Variants in FOXP1 observed in about 807,000 individuals in gnomAD.
FOXP1 encodes the protein forkhead box protein P1.
Under a neutral mutation model 98.2 loss-of-function variants are expected in FOXP1, and 15 were observed. The ratio of observed to expected loss-of-function variants is 0.15; its 90% CI spans 0.10 to 0.24. The LOEUF is 0.24. Among genes scored for constraint, FOXP1 ranks in the 10% least tolerant of loss-of-function variants. FOXP1 has a pLI of 1.00. For missense variants in FOXP1, 633 were observed against 848.5 expected (o/e 0.75, Z 3.15); for synonymous variants, 371 against 314.5 (o/e 1.18, Z -1.90).
chr3:71,392,338 A>G (rs949879467), intron 3 of FOXP1, among the ~76,000 whole-genome samples: 3 of 152,262 alleles, frequency 2.0e-5, no homozygotes, highest in Non-Finnish European at 2.9e-5. Context: ...TCACAGTGAC[A>G]GAGGTGTCTG....
Position 71,315,920 on chromosome 3 carries a change from A to T in FOXP1, c.-72-16040T>A, listed in dbSNP as rs553135285. 3.9e-4 allele frequency among the ~76,000 whole-genome samples: 60 copies of T among 152,260 alleles called. No individual in the cohort carries two copies. The South Asian group carries it at 0.012, about 31-fold the overall frequency. On this transcript the variant is annotated intron_variant, in intron 4 of 20. Coordinates refer to ENST00000649528, the MANE Select transcript of FOXP1 (RefSeq NM_001349338.3). ...CACTTCCAGGCCCCAGGTATCTTCT[A>T]TTTGCCTCTTAGTTTTGTTCATAGG...
At chr3:71,131,881 G>C (rs1416011735) in intron 6 of FOXP1, among the ~76,000 whole-genome samples, 1 of 152,168 alleles carries the variant, frequency 6.6e-6, no homozygotes, top group Admixed American at 6.5e-5. Context: ...AGAAGACTAG[G>C]CTGGGGGAAA....
chr3:71,061,779 A>T (rs988235083), intron 7 of FOXP1, among the ~76,000 whole-genome samples: 1 of 152,172 alleles, frequency 6.6e-6, no homozygotes, highest in African/African-American at 2.4e-5. Flanking sequence ...AGTGATGTTC[A>T]TCTACAACTA....
chr3:71,051,722 G>A (rs2049920282), intron 9 of FOXP1, among the ~76,000 whole-genome samples: 1 of 151,772 alleles, frequency 6.6e-6, no homozygotes, highest in African/African-American at 2.4e-5. Flanking sequence ...TGGGTAGAAA[G>A]ATGTCATAAT....
intron 2 of FOXP1, among the ~76,000 whole-genome samples, chr3:71,519,017 G>A (rs924108652): frequency 6.6e-6 from 1 of 152,218 alleles, no homozygotes; most frequent in Non-Finnish European, 1.5e-5. Context: ...AGGCCGAGAC[G>A]GGCGGATCGC....
chr3:71,363,635 G>GA (rs2078724718), intron 3 of FOXP1, among the ~76,000 whole-genome samples: 1 of 152,148 alleles, frequency 6.6e-6, no homozygotes, highest in Non-Finnish European at 1.5e-5. Context: ...CAGCACCTCT[G>GA]GGCAGTTTAT....
chr3:71,385,465 G>C (rs991372158), intron 3 of FOXP1, among the ~76,000 whole-genome samples: 1 of 152,160 alleles, frequency 6.6e-6, no homozygotes, highest in Admixed American at 6.5e-5. Context: ...GCAGGGAGCA[G>C]AACCTGCCCC....
chr3:71,191,875 C>T (rs2063000204), intron 6 of FOXP1, among the ~76,000 whole-genome samples: 2 of 152,178 alleles, frequency 1.3e-5, no homozygotes, highest in African/African-American at 2.4e-5. Context: ...TTGATTCCTA[C>T]ACAAAATATT....
At chr3:70,960,558 A>G (rs751168611) in intron 20 of FOXP1, among the ~76,000 whole-genome samples, 1 of 152,236 alleles carries the variant, frequency 6.6e-6, no homozygotes, top group Non-Finnish European at 1.5e-5. Flanking sequence ...TAAAAGAACC[A>G]TTTGAGTTAA....
rs140958229 is a variant in FOXP1 at position 71,496,415 on chromosome 3, C to T, written c.-297-2860G>A. ...TGGGGGTGAGGAGTAGGCAAGTCAA[C>T]AGCAAAGATCAGCCATGAGGAGAGG... On this transcript the variant is annotated intron_variant, in intron 2 of 20. Coordinates refer to ENST00000649528, the MANE Select transcript of FOXP1 (RefSeq NM_001349338.3). Among the ~76,000 whole-genome samples the T allele has an allele frequency of 6.4e-3, 977 of 152,300 alleles. 9 individuals carry two copies. Among genetic ancestry groups the T allele is most frequent in the African/African-American group, 0.022 (931 of 41,560 alleles).
chr3:70,966,077 AT>A (rs1402031660), intron 19 of FOXP1, 21 bp from the exon 20 acceptor site: 1 of 1,609,178 alleles, frequency 6.2e-7, no homozygotes, highest in Admixed American at 1.7e-5. Context: ...CCAAGAGAAA[AT>A]TTATGAAGAC....
intron 6 of FOXP1, among the ~76,000 whole-genome samples, chr3:71,140,283 T>G (rs2060006436): frequency 6.6e-6 from 1 of 152,206 alleles, no homozygotes. Context: ...GACAATCTGA[T>G]ACAAGACTTT....
chr3:71,262,802 G>C (rs1452370905), intron 5 of FOXP1, among the ~76,000 whole-genome samples: 1 of 152,152 alleles, frequency 6.6e-6, no homozygotes, highest in Non-Finnish European at 1.5e-5. Context: ...CCCTAGTATT[G>C]TGACTAGTTT....
rs1200985229 is a variant in FOXP1 at position 70,959,427 on chromosome 3, TC to T, written c.1890-37del. The T allele has an allele frequency of 2.5e-6, 4 of 1,613,418 alleles. No homozygotes were observed. In the African/African-American group the frequency reaches 4.0e-5, roughly 16 times the overall value. On this transcript the variant is annotated intron_variant, in intron 20 of 20. Transcript: ENST00000649528. ...TATGCAGAGGTTCAGTGAGGGTACT[TC>T]CCAGCCCATTGCAGCTCAGGTGCAC...
At chr3:71,084,234 TCA>T (rs1439211932) in intron 7 of FOXP1, among the ~76,000 whole-genome samples, 2 of 152,180 alleles carry the variant, frequency 1.3e-5, no homozygotes, top group African/African-American at 2.4e-5. Flanking sequence ...GGGAATTTCT[TCA>T]AGACATTTTC....
chr3:71,302,889 C>T (rs1302341537), intron 4 of FOXP1: 1 of 152,314 alleles, frequency 6.6e-6, no homozygotes, highest in East Asian at 1.9e-4. Flanking sequence ...ATTCCTCTTT[C>T]TCTACCTCCC....
chr3:71,283,227 G>A (rs2071750730), intron 5 of FOXP1, among the ~76,000 whole-genome samples: 2 of 152,070 alleles, frequency 1.3e-5, no homozygotes, highest in South Asian at 2.1e-4. Flanking sequence ...TTGGGTTTAC[G>A]GACTCACAGA....
chr3:71,567,492 TATC>T (rs916823154), intron 2 of FOXP1, among the ~76,000 whole-genome samples: 1 of 152,206 alleles, frequency 6.6e-6, no homozygotes, highest in African/African-American at 2.4e-5. Context: ...ATGATCTAAT[TATC>T]TTAAGATTCT....
rs538163706 is a variant in FOXP1 at position 71,050,245 on chromosome 3, T to G, written c.510+2292A>C. On this transcript the variant is annotated intron_variant, in intron 9 of 20. Coordinates refer to ENST00000649528, the MANE Select transcript of FOXP1 (RefSeq NM_001349338.3). ...GTAACTTTTATCCTTCTTTCTGCTG[T>G]GTAACTTTCCCCTTCCCATTTCTTT... Among the ~76,000 whole-genome samples, 66 of 152,308 alleles carry G rather than the reference T, an allele frequency of 4.3e-4. 1 individual carries two copies. The highest frequency in any genetic ancestry group is 1.5e-3 in the African/African-American group (64 of 41,550).
Sources: allele counts gnomAD v4.1 joint callset (sites outside exome capture counted in the v4.1 genomes callset), GRCh38; gene constraint gnomAD v4.1.1; transcripts MANE v1.5; gene names NCBI Gene and HGNC (gene_info 2026-07-23, HGNC 2026-07-21).